The following TRIM49C variants were observed in gnomAD, a reference collection of about 807,000 sequenced individuals.
TRIM49C encodes tripartite motif-containing protein 49C.
Under a neutral mutation model 21.4 loss-of-function variants are expected in TRIM49C, and 6 were observed. That is an observed-to-expected ratio of 0.28 (90% CI 0.15 to 0.55). The LOEUF (loss-of-function observed/expected upper bound fraction) is 0.55, where lower values mean the gene tolerates loss of function less well. TRIM49C is among the 20% of genes least tolerant of loss of function. The pLI is 0.94. For synonymous variants in TRIM49C, 57 were observed against 148.1 expected (o/e 0.38, Z 4.47); for missense variants, 161 against 442.4 (o/e 0.36, Z 5.71).
chr11:90,042,207 C>T (rs1165761244), downstream of TRIM49C, among the ~76,000 whole-genome samples: 1 of 146,034 alleles, frequency 6.8e-6, no homozygotes, highest in Non-Finnish European at 1.5e-5. Context: ...CATACACAGT[C>T]ATTTCCAGAT....
At chr11:90,040,983 T>C in intron 7 of TRIM49C, 68 bp from the exon 8 acceptor site, 1 of 1,463,462 alleles carries the variant, frequency 6.8e-7, no homozygotes, top group Non-Finnish European at 9.0e-7. Flanking sequence ...AACTTCTTGA[T>C]AGAACAATTA....
chr11:90,066,857 T>G, the TRIM49C span, among the ~76,000 whole-genome samples: 1 of 137,766 alleles, frequency 7.3e-6, no homozygotes, highest in Admixed American at 8.6e-5. Context: ...AACCTCTGCC[T>G]CCGAGGTTCA....
At chr11:90,035,703 A>G in intron 3 of TRIM49C, 81 bp downstream of exon 3, 1 of 1,371,950 alleles carries the variant, frequency 7.3e-7, no homozygotes, top group East Asian at 2.8e-5. Flanking sequence ...GATTAGGTAA[A>G]GCCAACTCTG....
At chr11:90,033,103 A>G (rs1316181305) in intron 2 of TRIM49C, among the ~76,000 whole-genome samples, 1 of 137,124 alleles carries the variant, frequency 7.3e-6, no homozygotes, top group African/African-American at 2.7e-5. Context: ...TATAAGACCT[A>G]ATTTGGTATG....
chr11:90,068,501 A>G, the TRIM49C span, among the ~76,000 whole-genome samples: 3 of 145,028 alleles, frequency 2.1e-5, 1 homozygote, highest in South Asian at 6.8e-4. Context: ...TTGATAAGTC[A>G]TTCTGATTCT....
the TRIM49C span, among the ~76,000 whole-genome samples, chr11:90,064,756 T>C: frequency 6.8e-6 from 1 of 147,754 alleles, no homozygotes; most frequent in Non-Finnish European, 1.5e-5. Context: ...GATTTTTTTG[T>C]ATTTTTAGTA....
the TRIM49C span, among the ~76,000 whole-genome samples, chr11:90,047,836 A>T: frequency 1.2e-4 from 13 of 111,400 alleles, 3 homozygotes; most frequent in East Asian, 3.7e-3. Flanking sequence ...TATTTTGCTC[A>T]TTAGTTGATG....
At chr11:90,053,863 C>G in the TRIM49C span, 1 of 144,132 alleles carries the variant, frequency 6.9e-6, no homozygotes, top group Non-Finnish European at 1.5e-5. Flanking sequence ...GGAAACCTCC[C>G]TTCTTTTACA....
At chr11:90,033,355 A>T (rs1201972553) in intron 2 of TRIM49C, among the ~76,000 whole-genome samples, 1 of 134,260 alleles carries the variant, frequency 7.4e-6, no homozygotes, top group East Asian at 2.2e-4. Context: ...GAACCATAGG[A>T]TGTATACATA....
chr11:90,069,111 GT>G, the TRIM49C span, among the ~76,000 whole-genome samples: 1 of 137,462 alleles, frequency 7.3e-6, no homozygotes, highest in South Asian at 2.6e-4. Flanking sequence ...TTTTGTTTTT[GT>G]TTTTGTTTTT....
chr11:90,070,312 A>AC, the TRIM49C span, among the ~76,000 whole-genome samples: 1 of 109,716 alleles, frequency 9.1e-6, no homozygotes, highest in South Asian at 3.8e-4. Context: ...TAAAGGGGAT[A>AC]TCCTGAAATC....
At chr11:90,062,460 A>G in the TRIM49C span, 2 of 1,082,028 alleles carry the variant, frequency 1.8e-6, no homozygotes, top group African/African-American at 1.8e-5. Flanking sequence ...GGACACATTC[A>G]TGTGTTATGA....
chr11:90,062,879 G>T, the TRIM49C span: 2 of 1,411,514 alleles, frequency 1.4e-6, no homozygotes, highest in East Asian at 5.2e-5. Context: ...CTGAGCAGAG[G>T]CAGAGGCAGG....
the TRIM49C span, among the ~76,000 whole-genome samples, chr11:90,060,022 A>G: frequency 7.2e-6 from 1 of 139,096 alleles, no homozygotes; most frequent in South Asian, 2.3e-4. Flanking sequence ...ATGGATTGGG[A>G]AACCAAACTT....
downstream of TRIM49C, among the ~76,000 whole-genome samples, chr11:90,046,225 T>C (rs571468585): frequency 2.7e-4 from 34 of 126,066 alleles, 9 homozygotes; most frequent in East Asian, 8.5e-3. Flanking sequence ...ATCAGGGATA[T>C]TGGTCTAAAA....
chr11:90,035,046 CCTCT>C (rs1950715123), intron 2 of TRIM49C, among the ~76,000 whole-genome samples, 158 bp from the exon 3 acceptor site: 2 of 137,068 alleles, frequency 1.5e-5, no homozygotes, highest in Non-Finnish European at 3.1e-5. Context: ...CAGGAGACTC[CCTCT>C]AAGTGTAAAT....
the TRIM49C span, among the ~76,000 whole-genome samples, chr11:90,069,190 C>A: frequency 7.7e-6 from 1 of 129,962 alleles, no homozygotes; most frequent in Admixed American, 8.4e-5. Context: ...CTGCAAGCTC[C>A]GCCTCCCGGG....
the TRIM49C span, among the ~76,000 whole-genome samples, chr11:90,064,394 C>CA: frequency 1.3e-5 from 2 of 150,486 alleles, no homozygotes; most frequent in African/African-American, 4.9e-5. Context: ...AAAATAACAA[C>CA]AAAAAAAGTG....
rs200570055 is a variant in TRIM49C at position 90,035,262 on chromosome 11, G to C, written c.51G>C (p.Leu17=). The change falls in exon 3 of 8, where the codon CTG becomes CTC. Residue 17 remains leucine (L), a synonymous_variant. Transcript: ENST00000448984. ...TTCAGGGGGAACTCATCTGCCCCCT[G>C]TGCATGAACTACTTCATAGACCCGG... ...QVFQGELICP[L]CMNYFIDPVT... 58 of 1,580,060 alleles carry C rather than the reference G, an allele frequency of 3.7e-5. No homozygotes were observed. The highest frequency in any genetic ancestry group is 1.1e-4 in the African/African-American group (8 of 71,862).
Sources: allele counts gnomAD v4.1 joint callset (sites outside exome capture counted in the v4.1 genomes callset), GRCh38; gene constraint gnomAD v4.1.1; transcripts MANE v1.5; gene names NCBI Gene and HGNC (gene_info 2026-07-23, HGNC 2026-07-21).